Variants in ERG observed in about 807,000 individuals in gnomAD.
ERG encodes ETS transcription factor ERG.
In ERG, 9 loss-of-function variants were observed where a neutral mutation model predicts 55.3. The observed-to-expected ratio is 0.16, with a 90% CI of 0.10 to 0.28. The LOEUF is 0.28. Ranked by LOEUF, ERG falls within the 10% of genes least tolerant of loss-of-function variation. The pLI is 1.00. For missense variants in ERG, 434 were observed against 631.6 expected (o/e 0.69, Z 3.35); for synonymous variants, 223 against 237.3 (o/e 0.94, Z 0.55).
In ERG at chr21:38,380,634, A is replaced by T. The variant is rs17815631; in HGVS notation, c.*2769T>A. ...GGCTTTGGAATTAGATTACAACAGT[A>T]ACAGAGAGTTAATGCCATTTTGAAA... is the stretch of plus-strand genomic sequence containing the variant. On this transcript the variant is annotated 3_prime_UTR_variant, in exon 10 of 10. Coordinates refer to ENST00000288319, the MANE Select transcript of ERG (RefSeq NM_182918.4). 9.4e-7 allele frequency: 1 copy of T among 1,065,122 alleles called. No individual in the cohort carries two copies. Among genetic ancestry groups the T allele is most frequent in the Admixed American group, 5.3e-5 (1 of 18,738 alleles). 66.0% of individuals were successfully genotyped at this position (1,065,122 alleles called of 1,614,324 possible).
At chr21:38,369,553 T>G in the ERG span, among the ~76,000 whole-genome samples, 14,109 of 152,172 alleles carry the variant, frequency 0.093, 847 homozygotes, top group African/African-American at 0.18. Flanking sequence ...GTTTGCAAAA[T>G]TTTTCTCCCA....
At chr21:38,610,825 A>T (rs2060222461) in intron 1 of ERG, among the ~76,000 whole-genome samples, 1 of 152,230 alleles carries the variant, frequency 6.6e-6, no homozygotes, top group Non-Finnish European at 1.5e-5. Context: ...GGTCCTACAC[A>T]CAATGCAAGG....
At chr21:38,399,654 G>T (rs371039238) in intron 6 of ERG, among the ~76,000 whole-genome samples, 6 of 152,118 alleles carry the variant, frequency 3.9e-5, no homozygotes, top group African/African-American at 1.4e-4. Context: ...CTCATTATTC[G>T]TCTGGCAAAC....
At chr21:38,429,059 C>T (rs1248801332) in intron 2 of ERG, among the ~76,000 whole-genome samples, 1 of 152,080 alleles carries the variant, frequency 6.6e-6, no homozygotes, top group Non-Finnish European at 1.5e-5. Context: ...CCCCAGAGTC[C>T]CCAAAGTCCA....
upstream of ERG, among the ~76,000 whole-genome samples, chr21:38,586,087 C>T (rs1422499726): frequency 6.6e-6 from 1 of 150,942 alleles, no homozygotes; most frequent in Non-Finnish European, 1.5e-5. Flanking sequence ...TCTTATTTTC[C>T]TCTTTTTAAA....
intron 2 of ERG, among the ~76,000 whole-genome samples, chr21:38,539,870 T>A (rs1172652893): frequency 6.6e-6 from 1 of 150,658 alleles, no homozygotes; most frequent in East Asian, 2.0e-4. Context: ...CACAGAGGTA[T>A]AAAACAGCGT....
chr21:38,649,179 C>A (rs1173057026), intron 1 of ERG, among the ~76,000 whole-genome samples: 6 of 152,178 alleles, frequency 3.9e-5, no homozygotes, highest in Non-Finnish European at 5.9e-5. Flanking sequence ...CCGCAGATAC[C>A]CAACCTGAGA....
At chr21:38,599,150 G>A (rs1406105429) in intron 1 of ERG, among the ~76,000 whole-genome samples, 1 of 152,148 alleles carries the variant, frequency 6.6e-6, no homozygotes, top group African/African-American at 2.4e-5. Context: ...CTGGGGACAG[G>A]TAAGAAGGAG....
intron 2 of ERG, among the ~76,000 whole-genome samples, chr21:38,567,454 G>A (rs1337305939): frequency 6.6e-6 from 1 of 151,928 alleles, no homozygotes; most frequent in African/African-American, 2.4e-5. Flanking sequence ...AGCTATACAC[G>A]GCCACAAAGT....
chr21:38,367,438 G>T, the ERG span, among the ~76,000 whole-genome samples: 9 of 152,132 alleles, frequency 5.9e-5, no homozygotes, highest in Non-Finnish European at 1.3e-4. Context: ...CTTGACTGGG[G>T]CTGGAGAATT....
intron 1 of ERG, among the ~76,000 whole-genome samples, chr21:38,473,361 C>T (rs1476671416): frequency 1.3e-5 from 2 of 151,922 alleles, no homozygotes; most frequent in Admixed American, 1.3e-4. Flanking sequence ...CTTTTCATTG[C>T]TCTTTCAGAA....
At chr21:38,416,417 A>G (rs1989284556) in intron 3 of ERG, among the ~76,000 whole-genome samples, 1 of 152,222 alleles carries the variant, frequency 6.6e-6, no homozygotes, top group East Asian at 1.9e-4. Flanking sequence ...TATTTCCCCA[A>G]ATAACTCTTT....
chr21:38,398,987 A>T (rs565776536), intron 6 of ERG, among the ~76,000 whole-genome samples: 3 of 152,230 alleles, frequency 2.0e-5, no homozygotes, highest in Admixed American at 6.5e-5. Context: ...TTTTTAGTTT[A>T]TATGGAAATA....
rs559036320 is a variant in ERG, at chr21:38,409,682, G to A, written c.389-5973C>T. Among the ~76,000 whole-genome samples the A allele has an allele frequency of 2.5e-3, 382 of 152,092 alleles. 3 individuals carry two copies. Among genetic ancestry groups the A allele is most frequent in the Non-Finnish European group, 3.8e-3 (257 of 67,994 alleles). ...ACTTAGCCCAGCCTCATCCGACATGGGCATGAAATATCTGACATGTTTAAG... is the reference window on the plus strand; with the variant it reads ...ACTTAGCCCAGCCTCATCCGACATGAGCATGAAATATCTGACATGTTTAAG... On this transcript the variant is annotated intron_variant, in intron 3 of 9. Transcript: ENST00000288319.
chr21:38,659,217 C>G (rs920409756), intron 1 of ERG, among the ~76,000 whole-genome samples: 1 of 152,222 alleles, frequency 6.6e-6, no homozygotes, highest in African/African-American at 2.4e-5. Context: ...TGTAGCTCTT[C>G]TAAAGCCTTT....
intron 2 of ERG, among the ~76,000 whole-genome samples, chr21:38,558,258 C>G (rs548262009): frequency 6.6e-6 from 1 of 152,288 alleles, no homozygotes; most frequent in Admixed American, 6.5e-5. Flanking sequence ...AGGGGACCAA[C>G]CACACCTTCT....
chr21:38,655,179 T>C (rs1030313109), intron 1 of ERG, among the ~76,000 whole-genome samples: 1 of 152,188 alleles, frequency 6.6e-6, no homozygotes, highest in East Asian at 1.9e-4. Flanking sequence ...CCTTCTTCAG[T>C]GCTGAGGTCT....
chr21:38,501,127 G>A (rs1046242252), upstream of ERG, among the ~76,000 whole-genome samples: 4 of 142,856 alleles, frequency 2.8e-5, no homozygotes, highest in African/African-American at 5.3e-5. Context: ...GTGCAGTGGC[G>A]CGATCTCGGC....
upstream of ERG, among the ~76,000 whole-genome samples, chr21:38,499,103 G>A (rs2059402239): frequency 2.6e-5 from 4 of 152,096 alleles, no homozygotes; most frequent in Admixed American, 2.6e-4. Flanking sequence ...AGGACTCTAG[G>A]CTTACAGTAA....
Sources: gnomAD v4.1 joint callset for allele counts (sites outside exome capture counted in the v4.1 genomes callset) on GRCh38, gnomAD v4.1.1 for gene constraint, MANE v1.5 for transcripts, NCBI Gene and HGNC (gene_info 2026-07-23, HGNC 2026-07-21) for gene names.